Variants in GRID2 observed in about 807,000 individuals in gnomAD.
GRID2 encodes glutamate receptor ionotropic, delta-2.
A neutral mutation model predicts 114.8 loss-of-function variants in GRID2; 33 were observed. The ratio of observed to expected loss-of-function variants is 0.29; its 90% confidence interval spans 0.22 to 0.38. The LOEUF is 0.38. GRID2 is among the 10% of genes least tolerant of loss of function. The pLI, the probability that GRID2 is intolerant of heterozygous loss-of-function variation, is 1.00. For missense variants in GRID2, 1,184 were observed against 1,257.7 expected (o/e 0.94, Z 0.89); for synonymous variants, 505 against 449.9 (o/e 1.12, Z -1.55).
Position 92,951,679 on chromosome 4 carries a change from G to C in GRID2, c.245-133316G>C, listed in dbSNP as rs573158051. Among the ~76,000 whole-genome samples, 10 of 152,178 alleles carry C rather than the reference G, an allele frequency of 6.6e-5. No homozygotes were observed. In the East Asian group the frequency reaches 1.9e-3, roughly 29 times the overall value. Reference sequence around the variant, plus strand: ...CCACCATAAGTTCAAATATTAAAAAGCATAAATTCATGCCAAGCCATTAGT... The same window carrying C: ...CCACCATAAGTTCAAATATTAAAAACCATAAATTCATGCCAAGCCATTAGT... On this transcript the variant is annotated intron_variant, in intron 2 of 15. Transcript: ENST00000282020.
At chr4:93,208,182 TATTC>T (rs1372054436) in intron 5 of GRID2, among the ~76,000 whole-genome samples, 1 of 151,968 alleles carries the variant, frequency 6.6e-6, no homozygotes. Flanking sequence ...AATATTTACT[TATTC>T]ATTATACTAA....
In GRID2 at chr4:92,989,276, CAA is replaced by C. The variant is rs1182397768; in HGVS notation, c.245-95694_245-95693del. ...TGGGTGACAGAGCGAGACTCCATCT[CAA>C]AAAAAAAAAAAAAAAAAAAAAAAAT... On this transcript the variant is annotated intron_variant, in intron 2 of 15. Transcript: ENST00000282020. Among the ~76,000 whole-genome samples, 566 of 74,270 alleles carry C rather than the reference CAA, an allele frequency of 7.6e-3. 10 individuals are homozygous for C. The highest frequency in any genetic ancestry group is 0.027 in the African/African-American group (544 of 20,372). The allele number at this position is 74,270 out of a possible 152,430, so 48.7% of individuals were successfully genotyped here. A position where few individuals can be genotyped will look rare whatever the true frequency, so the allele number is the denominator to read the frequency against.
At chr4:93,692,181 G>C (rs1398013099) in intron 14 of GRID2, among the ~76,000 whole-genome samples, 1 of 151,912 alleles carries the variant, frequency 6.6e-6, no homozygotes, top group East Asian at 1.9e-4. Context: ...GGAGAAAAAT[G>C]GTCAAGAAAG....
In GRID2 at chr4:92,411,867, G is replaced by C. The variant is rs567808933; in HGVS notation, c.88+107123G>C. 3.1e-3 allele frequency among the ~76,000 whole-genome samples: 476 copies of C among 151,186 alleles called. 4 individuals are homozygous for C. The highest frequency in any genetic ancestry group is 0.011 in the African/African-American group (439 of 41,110). ...ACTACAGGCGCCCGCCACCACGCCC[G>C]GCTAATTTTTTGTATTTTTAGTAGA... is the stretch of plus-strand genomic sequence containing the variant. On this transcript the variant is annotated intron_variant, in intron 1 of 15. Coordinates refer to ENST00000282020, the MANE Select transcript of GRID2 (RefSeq NM_001510.4).
rs145553031 is a variant in GRID2, at chr4:92,512,375, C to T, written c.89-77756C>T. 2.4e-3 allele frequency among the ~76,000 whole-genome samples: 372 copies of T among 151,886 alleles called. 1 individual carries two copies. The highest frequency in any genetic ancestry group is 4.0e-3 in the Non-Finnish European group (273 of 67,854). On this transcript the variant is annotated intron_variant, in intron 1 of 15. Coordinates refer to ENST00000282020, the MANE Select transcript of GRID2 (RefSeq NM_001510.4). ...TTCATGTGAGTTCATTCAAGTCTCT[C>T]CTTTTAATTCTTTTGGATATATACG...
chr4:93,689,989 A>G (rs1423323059), intron 14 of GRID2, among the ~76,000 whole-genome samples: 1 of 152,102 alleles, frequency 6.6e-6, no homozygotes, highest in Non-Finnish European at 1.5e-5. Context: ...TAACATTTGA[A>G]TTTATTTTAT....
In GRID2 at chr4:93,515,249, C is replaced by A. The variant is rs973538276; in HGVS notation, c.2031C>A (p.Ile677=). The change falls in exon 13 of 16, where the codon ATC becomes ATA. Residue 677 remains isoleucine (I), a synonymous_variant. Coordinates refer to ENST00000282020, the MANE Select transcript of GRID2 (RefSeq NM_001510.4). ...SLQDLSKQTE[I]PYGTVLDSAV... is the part of the protein sequence containing the mutation. ...AGGACCTTTCCAAGCAAACAGAAAT[C>A]CCTTATGGCACAGTCCTAGACTCTG... is the stretch of plus-strand genomic sequence containing the variant. The A allele has an allele frequency of 1.2e-6, 2 of 1,603,544 alleles. No homozygotes were observed. The highest frequency in any genetic ancestry group is 1.3e-5 in the African/African-American group (1 of 74,356).
At chr4:92,682,075 GAGAA>G (rs894004054) in intron 2 of GRID2, among the ~76,000 whole-genome samples, 12 of 110,330 alleles carry the variant, frequency 1.1e-4, no homozygotes, top group South Asian at 6.3e-4. Context: ...AACGGAAAGA[GAGAA>G]AGAGTCTTTT....
chr4:92,748,502 G>C (rs1387357457), intron 2 of GRID2, among the ~76,000 whole-genome samples: 1 of 151,986 alleles, frequency 6.6e-6, no homozygotes, highest in Admixed American at 6.6e-5. Context: ...CAGCCAAGGA[G>C]CATTCTAGCC....
intron 8 of GRID2, among the ~76,000 whole-genome samples, chr4:93,380,312 G>A (rs1763733613): frequency 6.6e-6 from 1 of 151,896 alleles, no homozygotes; most frequent in Admixed American, 6.6e-5. Context: ...AGAGAAGCTG[G>A]AAAAGACAAT....
intron 2 of GRID2, among the ~76,000 whole-genome samples, chr4:92,760,487 T>C (rs1246491206): frequency 6.6e-6 from 1 of 152,020 alleles, no homozygotes; most frequent in East Asian, 1.9e-4. Flanking sequence ...CACAATGCCC[T>C]CACCATACCC....
chr4:93,005,552 TATACTC>T (rs1339503442), intron 2 of GRID2, among the ~76,000 whole-genome samples: 1 of 152,050 alleles, frequency 6.6e-6, no homozygotes, highest in African/African-American at 2.4e-5. Context: ...AATAGAAACT[TATACTC>T]AAAATAATTG....
chr4:93,122,895 T>TTTTTTTG (rs1553991471), intron 4 of GRID2, among the ~76,000 whole-genome samples: 1 of 147,652 alleles, frequency 6.8e-6, no homozygotes, highest in Non-Finnish European at 1.5e-5. Flanking sequence ...TGTGGGTTTT[T>TTTTTTTG]TTTTTTTTTT....
intron 9 of GRID2, among the ~76,000 whole-genome samples, chr4:93,397,013 A>G (rs949239440): frequency 1.3e-5 from 2 of 152,034 alleles, no homozygotes; most frequent in South Asian, 4.1e-4. Flanking sequence ...GAATTAGTAA[A>G]TAGGAGAGGA....
At chr4:92,839,131 C>A (rs1192401286) in intron 2 of GRID2, among the ~76,000 whole-genome samples, 1 of 152,040 alleles carries the variant, frequency 6.6e-6, no homozygotes, top group Middle Eastern at 3.2e-3. Context: ...TTTCTTGATG[C>A]ATCCTTGAAG....
intron 2 of GRID2, among the ~76,000 whole-genome samples, chr4:92,730,733 G>T (rs866586716): frequency 6.6e-6 from 1 of 151,874 alleles, no homozygotes; most frequent in Non-Finnish European, 1.5e-5. Flanking sequence ...ATTGATGTTT[G>T]TATAATACTG....
chr4:93,291,075 C>A (rs1753705259), intron 8 of GRID2, among the ~76,000 whole-genome samples: 1 of 151,944 alleles, frequency 6.6e-6, no homozygotes, highest in African/African-American at 2.4e-5. Context: ...TACGGGGTTT[C>A]ACCGTGTTAG....
At chr4:92,967,661 T>C (rs17020036) in intron 2 of GRID2, among the ~76,000 whole-genome samples, 2,259 of 152,100 alleles carry the variant, frequency 0.015, 21 homozygotes, top group East Asian at 0.054. Context: ...AACTGTGATG[T>C]ATTTTAGTTC....
intron 1 of GRID2, among the ~76,000 whole-genome samples, chr4:92,509,209 T>G (rs1158606583): frequency 2.0e-5 from 3 of 151,976 alleles, no homozygotes; most frequent in Non-Finnish European, 2.9e-5. Context: ...TTATTAAAAA[T>G]GGACAAAACT....
Sources: allele counts gnomAD v4.1 joint callset (sites outside exome capture counted in the v4.1 genomes callset), GRCh38; gene constraint gnomAD v4.1.1; transcripts MANE v1.5; gene names NCBI Gene and HGNC (gene_info 2026-07-23, HGNC 2026-07-21).